WDR41: variants seen among roughly 807,000 people sequenced by gnomAD.
WDR41 encodes the protein WD repeat-containing protein 41.
A neutral mutation model predicts 69.3 loss-of-function variants in WDR41; 63 were observed. That is an observed-to-expected ratio of 0.91 (90% CI 0.74 to 1.12). WDR41 has a LOEUF of 1.12. WDR41 is among the 50% of genes most tolerant of loss of function. The probability of loss-of-function intolerance (pLI) is 0.00; values close to 1 mark genes in which losing one functional copy is unlikely to be tolerated. For synonymous variants in WDR41, 185 were observed against 192.1 expected, an observed-to-expected ratio of 0.96 and a Z score of 0.31; for missense variants, 543 against 534.5, an observed-to-expected ratio of 1.02 and a Z score of -0.16.
intron 1 of WDR41, among the ~76,000 whole-genome samples, chr5:77,586,844 G>A (rs1161263465): frequency 1.3e-5 from 2 of 149,694 alleles, no homozygotes; most frequent in East Asian, 2.0e-4. Flanking sequence ...TCAGCCTCCC[G>A]AGTAGCTGGG....
intron 1 of WDR41, among the ~76,000 whole-genome samples, chr5:77,531,593 G>A (rs775291886): frequency 1.3e-4 from 19 of 151,872 alleles, no homozygotes; most frequent in Non-Finnish European, 2.1e-4. Flanking sequence ...TGGTTCCTTA[G>A]AAAGTTAAAC....
At position 77,482,516 on chromosome 5, in the gene WDR41, G is replaced by A. The variant is rs995456530; in HGVS notation, c.167+6941C>T. ...CTGTCTTGTCGAGTTCTCACAGTCT[G>A]GGTTTTTTTTCCTGTGCTGTTATCC... On this transcript the variant is annotated intron_variant, in intron 2 of 12. Coordinates refer to ENST00000296679, the MANE Select transcript of WDR41 (RefSeq NM_018268.4). Among the ~76,000 whole-genome samples, 93 of 151,782 alleles carry A rather than the reference G, an allele frequency of 6.1e-4. 1 individual carries two copies. The highest frequency in any genetic ancestry group is 8.8e-5 in the Non-Finnish European group (6 of 67,972).
chr5:77,491,788 T>C, intron 1 of WDR41: 2 of 221,372 alleles, frequency 9.0e-6, no homozygotes, highest in Non-Finnish European at 1.8e-5. Flanking sequence ...TCACAACTCG[T>C]TCGTTTCTAG....
chr5:77,436,475 A>T (rs1798939992), intron 11 of WDR41, 81 bp from the exon 12 acceptor site: 3 of 1,553,474 alleles, frequency 1.9e-6, no homozygotes, highest in Admixed American at 3.6e-5. Context: ...TTTAAATGTG[A>T]AGAGGTTCCA....
At chr5:77,585,247 GA>G (rs1744017339) in intron 1 of WDR41, among the ~76,000 whole-genome samples, 1 of 152,122 alleles carries the variant, frequency 6.6e-6, no homozygotes, top group Non-Finnish European at 1.5e-5. Context: ...AATGATTAGA[GA>G]AATGCAAATC....
At chr5:77,613,796 G>T (rs929884653) in intron 1 of WDR41, among the ~76,000 whole-genome samples, 2 of 152,128 alleles carry the variant, frequency 1.3e-5, no homozygotes, top group African/African-American at 4.8e-5. Flanking sequence ...TTGACAAATG[G>T]GATCTAATTA....
rs188972607 is a variant in WDR41 at position 77,596,888 on chromosome 5, G to T, written c.42+23591C>A. 1.8e-4 allele frequency among the ~76,000 whole-genome samples: 27 copies of T among 152,122 alleles called. No homozygotes were observed. In the East Asian group the frequency reaches 3.1e-3, roughly 17 times the overall value. On this transcript the variant is annotated intron_variant, in intron 1 of 5. Coordinates refer to the WDR41 transcript ENST00000509971. ...CTAGCACTTTGGGAGGGAGGTTAAGGGGGTGGATTGCTTGAGCTCAGGAGT... is the reference window on the plus strand; with the variant it reads ...CTAGCACTTTGGGAGGGAGGTTAAGTGGGTGGATTGCTTGAGCTCAGGAGT...
chr5:77,521,774 A>T (rs1481853811), intron 1 of WDR41, among the ~76,000 whole-genome samples: 3 of 152,194 alleles, frequency 2.0e-5, no homozygotes, highest in Admixed American at 1.3e-4. Flanking sequence ...AATTTATGTG[A>T]TTATGTCTGC....
intron 8 of WDR41, among the ~76,000 whole-genome samples, chr5:77,444,070 G>A (rs547091515): frequency 4.5e-4 from 68 of 151,872 alleles, no homozygotes; most frequent in Non-Finnish European, 6.6e-4. Context: ...TAGTAGTGAC[G>A]GGTTTCGCCA....
intron 1 of WDR41, among the ~76,000 whole-genome samples, chr5:77,559,238 T>C (rs893956323): frequency 6.6e-6 from 1 of 152,166 alleles, no homozygotes; most frequent in Non-Finnish European, 1.5e-5. Context: ...CAATTTGATA[T>C]CACTAAATGT....
At chr5:77,456,119 T>G (rs1223372779) in intron 5 of WDR41, among the ~76,000 whole-genome samples, 1 of 152,166 alleles carries the variant, frequency 6.6e-6, no homozygotes, top group African/African-American at 2.4e-5. Flanking sequence ...TTTATATAGA[T>G]CTTTAATATC....
At chr5:77,440,387 C>G (rs1004382915) in intron 9 of WDR41, among the ~76,000 whole-genome samples, 1 of 152,124 alleles carries the variant, frequency 6.6e-6, no homozygotes, top group Non-Finnish European at 1.5e-5. Context: ...AGATGGAATC[C>G]AACAATTCTC....
intron 1 of WDR41, among the ~76,000 whole-genome samples, chr5:77,510,560 A>T (rs766566705): frequency 7.9e-5 from 12 of 152,102 alleles, no homozygotes; most frequent in Non-Finnish European, 1.5e-4. Context: ...TCTGCTACAC[A>T]CTTGCTTAGT....
At chr5:77,454,317 C>T (rs1799744366) in intron 5 of WDR41, among the ~76,000 whole-genome samples, 1 of 152,158 alleles carries the variant, frequency 6.6e-6, no homozygotes, top group African/African-American at 2.4e-5. Flanking sequence ...GCTCCTCCAC[C>T]GCAGTCAGGC....
intron 1 of WDR41, among the ~76,000 whole-genome samples, chr5:77,521,402 G>C (rs936586655): frequency 6.6e-6 from 1 of 152,210 alleles, no homozygotes; most frequent in Non-Finnish European, 1.5e-5. Flanking sequence ...CCTAACAGCA[G>C]GGTACCGGTA....
chr5:77,549,281 A>C (rs72770933), intron 1 of WDR41, among the ~76,000 whole-genome samples: 19,453 of 152,148 alleles, frequency 0.13, 1,475 homozygotes, highest in South Asian at 0.25. Flanking sequence ...AACCTATGGA[A>C]ATTTAAAACA....
At chr5:77,520,083 AT>A (rs1802350447) in intron 1 of WDR41, among the ~76,000 whole-genome samples, 1 of 152,110 alleles carries the variant, frequency 6.6e-6, no homozygotes, top group Non-Finnish European at 1.5e-5. Context: ...TAACATTCAG[AT>A]GAGAATGCCA....
chr5:77,436,130 C>T, intron 12 of WDR41, 131 bp downstream of exon 12: 1 of 1,217,792 alleles, frequency 8.2e-7, no homozygotes, highest in Non-Finnish European at 1.1e-6. Flanking sequence ...TATCCCATTC[C>T]ATGTTCAGAT....
intron 1 of WDR41, chr5:77,491,383 AGGT>A (rs748910546): frequency 7.0e-4 from 110 of 157,428 alleles, no homozygotes; most frequent in Admixed American, 2.9e-3. Context: ...GCCTGCACCC[AGGT>A]GATTAAAAGC....
Sources: gnomAD v4.1 joint callset for allele counts (sites outside exome capture counted in the v4.1 genomes callset) on GRCh38, gnomAD v4.1.1 for gene constraint, MANE v1.5 for transcripts, NCBI Gene and HGNC (gene_info 2026-07-23, HGNC 2026-07-21) for gene names.